Variants in CRYBG2 observed in about 807,000 individuals in gnomAD.
CRYBG2 encodes the protein crystallin beta-gamma domain containing 2.
CRYBG2 carries 106 observed loss-of-function variants against 153.4 expected under a neutral mutation model. The ratio of observed to expected loss-of-function variants is 0.69; its 90% CI spans 0.59 to 0.81. The LOEUF is 0.81. Among genes scored for constraint, CRYBG2 ranks in the 30% least tolerant of loss-of-function variants. CRYBG2 has a pLI of 0.00. For synonymous variants in CRYBG2, 851 were observed against 877.8 expected (o/e 0.97, Z 0.54); for missense variants, 1,996 against 2,112.0 (o/e 0.95, Z 1.08).
At position 26,346,567 on chromosome 1, in the gene CRYBG2, C is replaced by G. The variant is rs1429149292; in HGVS notation, c.91G>C (p.Glu31Gln). 4 of 1,607,206 alleles carry G rather than the reference C, an allele frequency of 2.5e-6. No individual in the cohort carries two copies. The Admixed American group carries it at 6.8e-5, about 27-fold the overall frequency. Residue 31 changes from glutamate to glutamine, a missense_variant, in exon 2 of 20, where the codon GAG becomes CAG. Transcript: ENST00000308182. This position sits in a 1 kb window ranked among gnomAD's most constrained non-coding sequence, Gnocchi z 4.9. The stretch of plus-strand genomic sequence containing the variant: ...ACCTTGTGAAAACCATGTTTGATCT[C>G]TTCCTGGGTGGGGGGCCGCTGCCGC... ...TWRQRPPTQE[E>Q]IKHGFHKVSL...
At position 26,346,015 on chromosome 1, in the gene CRYBG2, G is replaced by C. The variant is rs117202066; in HGVS notation, c.643C>G (p.Arg215Gly). 6.3e-7 allele frequency: 1 copy of C among 1,593,678 alleles called. No individual in the cohort carries two copies. The highest frequency in any genetic ancestry group is 1.1e-5 in the South Asian group (1 of 90,614). Reference sequence around the variant, plus strand: ...CCCACCACCACTGGCGGCACCATGCGGGAGACCTGACGGCCCCGTGGCAGG... The same window carrying C: ...CCCACCACCACTGGCGGCACCATGCCGGAGACCTGACGGCCCCGTGGCAGG... ...EALPRGRQVSRMVPPVVVGSP... is the reference protein window; with the variant it reads ...EALPRGRQVSGMVPPVVVGSP... The change falls in exon 2 of 20, where the codon CGC (arginine) becomes GGC (glycine). Residue 215 changes from arginine to glycine, a missense_variant. Physicochemically the swap from Arg to Gly is moderately radical, Grantham distance 125. Transcript: ENST00000308182. The surrounding 1 kb of genome is among the most constrained non-coding windows in gnomAD (Gnocchi z 4.9).
chr1:26,336,395 A>T lies in CRYBG2; in HGVS notation c.4039-25T>A, dbSNP rs756067550. 2.5e-6 allele frequency: 4 copies of T among 1,612,304 alleles called. No individual in the cohort carries two copies. The East Asian group carries it at 8.9e-5, about 36-fold the overall frequency. On this transcript the variant is annotated intron_variant, in intron 12 of 19. Coordinates refer to ENST00000308182, the MANE Select transcript of CRYBG2 (RefSeq NM_001039775.4). The surrounding 1 kb of genome is among the most constrained non-coding windows in gnomAD (Gnocchi z 4.9). ...CCTGAAGGTAGGGACCGAATCGAGA[A>T]TTAGGGAGGGTGCCGGCCCCTAGCC...
intron 16 of CRYBG2, 33 bp downstream of exon 16, chr1:26,328,701 G>A (rs749735420): frequency 1.3e-6 from 2 of 1,593,902 alleles, no homozygotes; most frequent in South Asian, 1.1e-5. Flanking sequence ...CCCACCAGCA[G>A]CCACCGCACC....
chr1:26,343,031 G>A lies in CRYBG2; in HGVS notation c.3074+16C>T. The A allele has an allele frequency of 6.5e-7, 1 of 1,542,088 alleles. No individual in the cohort carries two copies. Among genetic ancestry groups the A allele is most frequent in the Non-Finnish European group, 8.8e-7 (1 of 1,141,012 alleles). On this transcript the variant is annotated intron_variant, in intron 4 of 19. Transcript: ENST00000308182. This position sits in a 1 kb window ranked among gnomAD's most constrained non-coding sequence, Gnocchi z 4.1. ...AGGTTCACAGCCAAGTGCCTTGCTG[G>A]GCACTCCCCACTCACCAGCCTCGAA...
chr1:26,346,601 T>C lies in CRYBG2; in HGVS notation c.57A>G (p.Thr19=). 1.3e-6 allele frequency: 2 copies of C among 1,587,390 alleles called. No individual in the cohort carries two copies. The highest frequency in any genetic ancestry group is 1.7e-6 in the Non-Finnish European group (2 of 1,166,744). ...TGGGGGGCCGCTGCCGCCATGTCAA[T>C]GTGGCACTTACCACTCGGGCCTTGG... ...ARAKARVVSA[T]LTWRQRPPTQ... The change falls in exon 2 of 20, where the codon ACA becomes ACG. Residue 19 remains threonine (T), a synonymous_variant. Transcript: ENST00000308182. The surrounding 1 kb of genome is among the most constrained non-coding windows in gnomAD (Gnocchi z 4.9).
chr1:26,341,589 C>G (rs754474198), intron 5 of CRYBG2, among the ~76,000 whole-genome samples: 21 of 151,968 alleles, frequency 1.4e-4, no homozygotes, highest in Non-Finnish European at 2.8e-4. Flanking sequence ...CGAGTTCAAG[C>G]GATTTTCCAG....
Position 26,345,917 on chromosome 1 carries a change from G to A in CRYBG2, c.741C>T (p.Ser247=), listed in dbSNP as rs374045076. 203 of 1,596,914 alleles carry A rather than the reference G, an allele frequency of 1.3e-4. 1 individual carries two copies. The African/African-American group carries it at 1.8e-3, about 14-fold the overall frequency. ...GCCTGGGCAGGTGACTGGCAGGGGG[G>A]CTGTGCCCAGCAGGCACGAGGTTAC... The part of the protein sequence containing the change: ...VLSNLVPAGH[S]PPASHLPRPT... The change falls in exon 2 of 20, where the codon AGC becomes AGT. Residue 247 remains serine (S), a synonymous_variant. Transcript: ENST00000308182.
chr1:26,343,407 A>C lies in CRYBG2; in HGVS notation c.2914-114T>G, dbSNP rs775623249. 25 of 1,267,224 alleles carry C rather than the reference A, an allele frequency of 2.0e-5. No individual in the cohort carries two copies. The highest frequency in any genetic ancestry group is 2.8e-5 in the Non-Finnish European group (25 of 893,010). The allele number at this position is 1,267,224 out of a possible 1,614,324, so 78.5% of individuals were successfully genotyped here. A position where few individuals can be genotyped will look rare whatever the true frequency, so the allele number is the denominator to read the frequency against. ...TCCCTATTAACCTCCACCCGCAAGG[A>C]GCTGGCGCATAGAGGATGCTCACAC... On this transcript the variant is annotated intron_variant, in intron 2 of 19. Transcript: ENST00000308182. The surrounding 1 kb of genome is among the most constrained non-coding windows in gnomAD (Gnocchi z 4.1).
At chr1:26,352,491 G>A (rs896991664) in intron 1 of CRYBG2, among the ~76,000 whole-genome samples, 2 of 152,120 alleles carry the variant, frequency 1.3e-5, no homozygotes, top group Non-Finnish European at 2.9e-5. Context: ...GGACACACAC[G>A]CTTGGATGCA....
intron 1 of CRYBG2, among the ~76,000 whole-genome samples, chr1:26,353,430 G>C (rs1320929409): frequency 1.3e-5 from 2 of 152,124 alleles, no homozygotes; most frequent in Non-Finnish European, 2.9e-5. Context: ...AGATTTAGGA[G>C]AGTCATTTCA....
intron 14 of CRYBG2, among the ~76,000 whole-genome samples, chr1:26,333,566 C>T (rs1426245579): frequency 7.7e-6 from 1 of 130,402 alleles, no homozygotes; most frequent in Admixed American, 7.7e-5. Flanking sequence ...AACTCCACCT[C>T]AAAAAAAAAA....
intron 1 of CRYBG2, among the ~76,000 whole-genome samples, chr1:26,347,040 G>T (rs566312451): frequency 6.6e-6 from 1 of 152,260 alleles, no homozygotes; most frequent in African/African-American, 2.4e-5. Context: ...TCTATAGGGG[G>T]GCTGGGACTC....
chr1:26,340,006 C>A (rs1442747568), intron 5 of CRYBG2, among the ~76,000 whole-genome samples: 1 of 152,210 alleles, frequency 6.6e-6, no homozygotes, highest in African/African-American at 2.4e-5. Flanking sequence ...GGCCCATAGC[C>A]TTGCCTCTGG....
chr1:26,345,589 G>A lies in CRYBG2; in HGVS notation c.1069C>T (p.Leu357Phe). ...CCAGGAGAGGGGACATGGGTCTCGAGTCTGGGAGAGGAGGGGACTGATGCT... is the reference window on the plus strand; with the variant it reads ...CCAGGAGAGGGGACATGGGTCTCGAATCTGGGAGAGGAGGGGACTGATGCT... ...GQASVPSSPR[L>F]ETHVPSPGLT... The change falls in exon 2 of 20, where the codon CTC (leucine) becomes TTC (phenylalanine). Residue 357 changes from leucine to phenylalanine, a missense_variant. Transcript: ENST00000308182. 1.9e-6 allele frequency: 3 copies of A among 1,602,574 alleles called. No individual in the cohort carries two copies. Among genetic ancestry groups the A allele is most frequent in the Admixed American group, 1.7e-5 (1 of 60,010 alleles).
chr1:26,328,139 C>G (rs1267027072), intron 17 of CRYBG2, 70 bp downstream of exon 17: 49 of 1,524,620 alleles, frequency 3.2e-5, no homozygotes, highest in Non-Finnish European at 4.2e-5. Flanking sequence ...CACAGCTAGA[C>G]ACTCATCCAG....
At position 26,344,761 on chromosome 1, in the gene CRYBG2, C is replaced by A. The variant is rs1415206093; in HGVS notation, c.1897G>T (p.Val633Phe). The A allele has an allele frequency of 6.5e-7, 1 of 1,536,174 alleles. No homozygotes were observed. The highest frequency in any genetic ancestry group is 8.7e-7 in the Non-Finnish European group (1 of 1,146,892). The stretch of plus-strand genomic sequence containing the variant: ...CTGCTGCCTTTTGGGCCCTGGACAA[C>A]CTCAGTTGACTTGGGGGACAAGGCA... ...PAALSPKSTEVVQGPKGSSSI... is the reference protein window; with the variant it reads ...PAALSPKSTEFVQGPKGSSSI... Residue 633 changes from valine (V) to phenylalanine (F), a missense_variant, in exon 2 of 20, where the codon GTT becomes TTT. By Grantham distance (50) the Val-to-Phe change is conservative. Transcript: ENST00000308182.
rs758285839 is a variant in CRYBG2 at position 26,344,613 on chromosome 1, A to C, written c.2045T>G (p.Val682Gly). The C allele has an allele frequency of 3.9e-6, 6 of 1,535,196 alleles. No individual in the cohort carries two copies. The South Asian group carries it at 7.1e-5, about 18-fold the overall frequency. ...GATGGGGCTCCCTTCAGAGTCCTGG[A>C]CCCCCTTATCCTGTTTGGGGAGTGA... ...ATSLPKQDKG[V>G]QDSEGSPISS... Residue 682 changes from valine (V) to glycine (G), a missense_variant, in exon 2 of 20, where the codon GTC (valine) becomes GGC (glycine). Val to Gly is a moderately radical substitution (Grantham distance 109). Transcript: ENST00000308182.
In CRYBG2 at chr1:26,328,821, T is replaced by G. The variant is rs1043820415; in HGVS notation, c.4367A>C (p.Lys1456Thr). 1.9e-6 allele frequency: 3 copies of G among 1,613,948 alleles called. No homozygotes were observed. Among genetic ancestry groups the G allele is most frequent in the Non-Finnish European group, 1.7e-6 (2 of 1,180,006 alleles). ...CACCTCCCTGCTGAGCTCGATCTCC[T>G]TCCCCTCGAAGCACTCGAGTCCATA... ...FLYGLECFEG[K>T]EIELSREVRS... is the part of the protein sequence containing the mutation. The change falls in exon 16 of 20, where the codon AAG (lysine) becomes ACG (threonine). Residue 1456 changes from lysine (K) to threonine (T), a missense_variant. Lys to Thr is a moderately conservative substitution (Grantham distance 78). Coordinates refer to ENST00000308182, the MANE Select transcript of CRYBG2 (RefSeq NM_001039775.4).
Position 26,346,026 on chromosome 1 carries a change from C to A in CRYBG2, c.632G>T (p.Arg211Leu). The A allele has an allele frequency of 6.3e-7, 1 of 1,593,178 alleles. No homozygotes were observed. The highest frequency in any genetic ancestry group is 8.5e-7 in the Non-Finnish European group (1 of 1,177,142). The change falls in exon 2 of 20, where the codon CGT becomes CTT. Residue 211 changes from arginine (R) to leucine (L), a missense_variant. By Grantham distance (102) the Arg-to-Leu change is moderately radical. Transcript: ENST00000308182. This position sits in a 1 kb window ranked among gnomAD's most constrained non-coding sequence, Gnocchi z 4.9. ...TGGCGGCACCATGCGGGAGACCTGA[C>A]GGCCCCGTGGCAGGGCCTCGCCTGA... ...VSSGEALPRG[R>L]QVSRMVPPVV...
Sources: gnomAD v4.1 joint callset for allele counts (sites outside exome capture counted in the v4.1 genomes callset) on GRCh38, gnomAD v4.1.1 for gene constraint, Gnocchi (gnomAD v3.1) non-coding constraint, MANE v1.5 for transcripts, NCBI Gene and HGNC (gene_info 2026-07-23, HGNC 2026-07-21) for gene names.